FAF1: variants seen among roughly 807,000 people sequenced by gnomAD.
FAF1 encodes FAS-associated factor 1.
A neutral mutation model predicts 92.5 loss-of-function variants in FAF1; 25 were observed. The ratio of observed to expected loss-of-function variants is 0.27; its 90% CI spans 0.20 to 0.38. FAF1 has a LOEUF of 0.38. Ranked by LOEUF, FAF1 falls within the 10% of genes least tolerant of loss-of-function variation. The pLI, the probability that FAF1 is intolerant of heterozygous loss-of-function variation, is 1.00. For missense variants in FAF1, 636 were observed against 793.3 expected (o/e 0.80, Z 2.38); for synonymous variants, 234 against 273.2 (o/e 0.86, Z 1.42).
At chr1:50,539,340 C>T (rs754378665) in intron 14 of FAF1, among the ~76,000 whole-genome samples, 1 of 152,196 alleles carries the variant, frequency 6.6e-6, no homozygotes, top group Non-Finnish European at 1.5e-5. Flanking sequence ...TACAATTTAG[C>T]AATTCTGAAC....
At chr1:50,662,230 T>C (rs1655406116) in intron 7 of FAF1, among the ~76,000 whole-genome samples, 1 of 152,222 alleles carries the variant, frequency 6.6e-6, no homozygotes, top group Non-Finnish European at 1.5e-5. Flanking sequence ...TGAAGATCTG[T>C]TTCAAGAAAT....
chr1:50,814,137 T>C (rs962864323), intron 2 of FAF1, among the ~76,000 whole-genome samples: 1 of 152,174 alleles, frequency 6.6e-6, no homozygotes, highest in Non-Finnish European at 1.5e-5. Context: ...TATCTCACTG[T>C]ACTATACTGC....
intron 14 of FAF1, among the ~76,000 whole-genome samples, chr1:50,536,635 G>C (rs77967615): frequency 4.7e-3 from 709 of 152,244 alleles, no homozygotes; most frequent in Non-Finnish European, 7.6e-3. Context: ...CTCAGTAAAT[G>C]AGTTACAGGA....
At chr1:50,785,426 A>G (rs1661327324) in intron 4 of FAF1, among the ~76,000 whole-genome samples, 1 of 152,132 alleles carries the variant, frequency 6.6e-6, no homozygotes, top group Admixed American at 6.5e-5. Flanking sequence ...TCTATAACTC[A>G]ACAATAAAAT....
chr1:50,556,208 A>G (rs1649570805), intron 13 of FAF1, among the ~76,000 whole-genome samples: 1 of 144,410 alleles, frequency 6.9e-6, no homozygotes, highest in Non-Finnish European at 1.5e-5. Context: ...ACTGCACTCC[A>G]GCCTGGGCGA....
intron 1 of FAF1, among the ~76,000 whole-genome samples, chr1:50,949,081 C>G (rs1321077669): frequency 6.6e-6 from 1 of 152,176 alleles, no homozygotes; most frequent in Admixed American, 6.5e-5. Flanking sequence ...CAAAGAATCA[C>G]AGGAATGGAC....
intron 7 of FAF1, among the ~76,000 whole-genome samples, chr1:50,696,556 G>A (rs1231504751): frequency 6.6e-6 from 1 of 152,184 alleles, no homozygotes; most frequent in Non-Finnish European, 1.5e-5. Context: ...TAATCAATGT[G>A]TGGAATAGCT....
intron 8 of FAF1, among the ~76,000 whole-genome samples, chr1:50,630,780 C>T (rs1229004951): frequency 6.6e-6 from 1 of 150,808 alleles, no homozygotes; most frequent in South Asian, 2.1e-4. Context: ...CGTAGTCTCC[C>T]CTTATCTGTG....
At chr1:50,474,046 G>A (rs1431720898) in intron 18 of FAF1, among the ~76,000 whole-genome samples, 1 of 152,144 alleles carries the variant, frequency 6.6e-6, no homozygotes, top group African/African-American at 2.4e-5. Context: ...ACTGAAAAGA[G>A]TAGTATTTGG....
chr1:50,751,491 G>A (rs1260976416), intron 4 of FAF1, among the ~76,000 whole-genome samples: 2 of 151,962 alleles, frequency 1.3e-5, no homozygotes, highest in African/African-American at 2.4e-5. Context: ...CTACAGGCAC[G>A]TGCCACCACG....
intron 17 of FAF1, among the ~76,000 whole-genome samples, chr1:50,478,176 T>C (rs1378330759): frequency 6.6e-6 from 1 of 151,838 alleles, no homozygotes; most frequent in Non-Finnish European, 1.5e-5. Context: ...CTTTTTTTTT[T>C]TTTTTGAGAT....
chr1:50,909,562 CTTTG>C (rs1298767789), intron 1 of FAF1, among the ~76,000 whole-genome samples: 4 of 152,234 alleles, frequency 2.6e-5, no homozygotes, highest in Non-Finnish European at 4.4e-5. Flanking sequence ...TTCTTGGAGG[CTTTG>C]TTTGTTTCTT....
intron 13 of FAF1, among the ~76,000 whole-genome samples, chr1:50,554,832 T>C (rs758716371): frequency 7.9e-5 from 12 of 152,172 alleles, no homozygotes; most frequent in Admixed American, 6.5e-4. Context: ...TTTTCATAGA[T>C]GAAAAAGAAA....
intron 1 of FAF1, among the ~76,000 whole-genome samples, chr1:50,893,269 T>C (rs1410760745): frequency 6.6e-6 from 1 of 152,178 alleles, no homozygotes; most frequent in Non-Finnish European, 1.5e-5. Flanking sequence ...TCTGGGCATA[T>C]ATATGAGTTA....
intron 1 of FAF1, among the ~76,000 whole-genome samples, chr1:50,898,664 A>G (rs1013150332): frequency 2.6e-5 from 4 of 152,202 alleles, no homozygotes; most frequent in Admixed American, 2.0e-4. Context: ...ACTATACCAT[A>G]CACTTTAAAA....
intron 8 of FAF1, 107 bp downstream of exon 8, chr1:50,655,335 A>T (rs569302987): frequency 1.2e-6 from 1 of 803,790 alleles, no homozygotes; most frequent in Non-Finnish European, 2.2e-6. Flanking sequence ...TAATTCTTTC[A>T]ATGGAAGACT....
At chr1:50,637,452 C>CA (rs1354651207) in intron 8 of FAF1, among the ~76,000 whole-genome samples, 9 of 145,362 alleles carry the variant, frequency 6.2e-5, no homozygotes, top group African/African-American at 2.3e-4. Context: ...GACTCCGTCT[C>CA]AAAAAAAGAA....
At chr1:50,609,157 T>C (rs1037526320) in intron 8 of FAF1, among the ~76,000 whole-genome samples, 3 of 152,188 alleles carry the variant, frequency 2.0e-5, no homozygotes, top group Non-Finnish European at 4.4e-5. Context: ...AGTTTCTGCT[T>C]TGATAAAGCC....
At chr1:50,628,219 T>A (rs1293943217) in intron 8 of FAF1, among the ~76,000 whole-genome samples, 1 of 152,160 alleles carries the variant, frequency 6.6e-6, no homozygotes, top group Non-Finnish European at 1.5e-5. Flanking sequence ...ATATTAGATA[T>A]TATTGATAAC....
Sources: allele counts gnomAD v4.1 joint callset (sites outside exome capture counted in the v4.1 genomes callset), GRCh38; gene constraint gnomAD v4.1.1; transcripts MANE v1.5; gene names NCBI Gene and HGNC (gene_info 2026-07-23, HGNC 2026-07-21).